CA10: variants seen among roughly 807,000 people sequenced by gnomAD.
CA10 encodes carbonic anhydrase 10 (inactive).
Under a neutral mutation model 44.2 loss-of-function variants are expected in CA10, and 14 were observed. That is an observed-to-expected ratio of 0.32 (90% CI 0.21 to 0.50). The LOEUF is 0.50. CA10 is among the 20% of genes least tolerant of loss of function. CA10 has a pLI of 0.99. For synonymous variants in CA10, 159 were observed against 141.6 expected, an observed-to-expected ratio of 1.12 and a Z score of -0.87; for missense variants, 350 against 409.7, an observed-to-expected ratio of 0.85 and a Z score of 1.26.
At chr17:51,756,139 A>G (rs936342200) in intron 3 of CA10, among the ~76,000 whole-genome samples, 4 of 152,066 alleles carry the variant, frequency 2.6e-5, no homozygotes, top group African/African-American at 9.7e-5. Context: ...AAAAATACAT[A>G]ACTATAAACA....
chr17:51,914,210 C>G (rs1056417242), intron 3 of CA10, among the ~76,000 whole-genome samples: 3 of 152,058 alleles, frequency 2.0e-5, no homozygotes, highest in African/African-American at 7.2e-5. Context: ...TAAGGTCTGT[C>G]CTCATTTCAC....
chr17:51,921,045 G>C (rs1234703352), intron 3 of CA10, among the ~76,000 whole-genome samples: 1 of 152,168 alleles, frequency 6.6e-6, no homozygotes, highest in Non-Finnish European at 1.5e-5. Context: ...AGAGGACAAT[G>C]CAAGTTTCTT....
intron 2 of CA10, among the ~76,000 whole-genome samples, chr17:52,032,992 G>GCA (rs1337992956): frequency 6.6e-6 from 1 of 152,118 alleles, no homozygotes; most frequent in African/African-American, 2.4e-5. Flanking sequence ...ATACGTCAAG[G>GCA]CATGAGTCAA....
At chr17:51,700,837 T>C (rs1567808785) in intron 4 of CA10, among the ~76,000 whole-genome samples, 1 of 152,120 alleles carries the variant, frequency 6.6e-6, no homozygotes, top group East Asian at 1.9e-4. Context: ...AAACACTGTA[T>C]GTTCTCACTC....
chr17:52,061,163 G>T (rs1237050494), intron 2 of CA10, among the ~76,000 whole-genome samples: 2 of 152,168 alleles, frequency 1.3e-5, no homozygotes, highest in Non-Finnish European at 2.9e-5. Flanking sequence ...ATTATGTCAA[G>T]GATCTTACGA....
At chr17:52,084,497 C>T (rs1988067262) in intron 1 of CA10, among the ~76,000 whole-genome samples, 1 of 152,048 alleles carries the variant, frequency 6.6e-6, no homozygotes, top group South Asian at 2.1e-4. Context: ...TAACCAAGAC[C>T]AAACTAAAAT....
At chr17:51,774,846 TGCCA>T (rs1291735909) in intron 3 of CA10, among the ~76,000 whole-genome samples, 2 of 152,180 alleles carry the variant, frequency 1.3e-5, no homozygotes, top group African/African-American at 2.4e-5. Flanking sequence ...GAAAGCAGGA[TGCCA>T]GCCAGCCAGC....
intron 3 of CA10, among the ~76,000 whole-genome samples, chr17:51,849,207 A>ATATATATATATACATATATG (rs1978658727): frequency 4.9e-5 from 2 of 40,782 alleles, no homozygotes; most frequent in Non-Finnish European, 8.1e-5. Context: ...ACATATATGT[A>ATATATATATATACATATATG]TATATATATA....
At chr17:51,849,001 G>A (rs1428673183) in intron 3 of CA10, among the ~76,000 whole-genome samples, 2 of 151,590 alleles carry the variant, frequency 1.3e-5, no homozygotes, top group Non-Finnish European at 2.9e-5. Flanking sequence ...AGCTGTGTTT[G>A]TACCACTGCA....
chr17:52,148,694 T>A (rs2143405224), intron 1 of CA10, among the ~76,000 whole-genome samples: 1 of 152,310 alleles, frequency 6.6e-6, no homozygotes, highest in Non-Finnish European at 1.5e-5. Context: ...TATTCATTTA[T>A]GTATTAATTC....
intron 2 of CA10, among the ~76,000 whole-genome samples, chr17:51,966,426 C>T (rs1430777690): frequency 6.6e-6 from 1 of 151,834 alleles, no homozygotes; most frequent in Non-Finnish European, 1.5e-5. Flanking sequence ...AAAGCAGCAG[C>T]CAGAGGTATC....
In CA10 at chr17:51,669,687, C is replaced by A. The variant is rs1292884185; in HGVS notation, c.466-15951G>T. Among the ~76,000 whole-genome samples, 3 of 152,138 alleles carry A rather than the reference C, an allele frequency of 2.0e-5. No homozygotes were observed. The East Asian group carries it at 5.8e-4, about 29-fold the overall frequency. Reference sequence around the variant, plus strand: ...CACCACCTTTAAGAACTGTAACACTCACTGCAAAGGCCTGCAGCTTCACTC... The same window carrying A: ...CACCACCTTTAAGAACTGTAACACTAACTGCAAAGGCCTGCAGCTTCACTC... On this transcript the variant is annotated intron_variant, in intron 4 of 8. Transcript: ENST00000451037.
intron 3 of CA10, among the ~76,000 whole-genome samples, chr17:51,836,280 A>C (rs1402419130): frequency 1.3e-5 from 2 of 152,186 alleles, no homozygotes; most frequent in Non-Finnish European, 2.9e-5. Context: ...ATTTTAGGTA[A>C]ACACACTCTT....
intron 3 of CA10, among the ~76,000 whole-genome samples, chr17:51,885,533 C>T (rs1980560479): frequency 2.0e-5 from 3 of 152,236 alleles, no homozygotes. Context: ...AAATCTTACA[C>T]ATTCTCCTAA....
intron 4 of CA10, among the ~76,000 whole-genome samples, chr17:51,656,605 T>C (rs777547245): frequency 2.0e-5 from 3 of 152,198 alleles, no homozygotes; most frequent in Non-Finnish European, 4.4e-5. Context: ...ATAAAGCTAT[T>C]TTGAATATGA....
chr17:51,817,072 T>C (rs927100192), intron 3 of CA10, among the ~76,000 whole-genome samples: 14 of 152,238 alleles, frequency 9.2e-5, no homozygotes, highest in South Asian at 2.1e-4. Context: ...CTTTAATTGT[T>C]CTGAGCTTTG....
chr17:51,678,366 AAATT>A (rs1456437883), intron 4 of CA10, among the ~76,000 whole-genome samples: 1 of 152,150 alleles, frequency 6.6e-6, no homozygotes, highest in Admixed American at 6.5e-5. Context: ...TATACTGTTA[AAATT>A]AATTAAAAAT....
chr17:51,670,646 A>G (rs1914383192), intron 4 of CA10, among the ~76,000 whole-genome samples: 1 of 152,074 alleles, frequency 6.6e-6, no homozygotes, highest in Admixed American at 6.5e-5. Context: ...TACTTCCCCA[A>G]GTTTCCAGGT....
chr17:52,038,174 T>C (rs1375428026), intron 2 of CA10, among the ~76,000 whole-genome samples: 1 of 152,074 alleles, frequency 6.6e-6, no homozygotes, highest in African/African-American at 2.4e-5. Context: ...AATTAAGAAG[T>C]TATGCACATA....
Sources: gnomAD v4.1 joint callset for allele counts (sites outside exome capture counted in the v4.1 genomes callset) on GRCh38, gnomAD v4.1.1 for gene constraint, MANE v1.5 for transcripts, NCBI Gene and HGNC (gene_info 2026-07-23, HGNC 2026-07-21) for gene names.